Variants in CTNNBIP1 observed in about 807,000 individuals in gnomAD.
CTNNBIP1 encodes the protein catenin beta interacting protein 1.
CTNNBIP1 carries 7 observed loss-of-function variants against 11.8 expected under a neutral mutation model. That is an observed-to-expected ratio of 0.60 (90% CI 0.34 to 1.12). CTNNBIP1 has a LOEUF of 1.12. CTNNBIP1 is among the 50% of genes most tolerant of loss of function. The pLI is 0.03. For synonymous variants in CTNNBIP1, 58 were observed against 43.9 expected (o/e 1.32, Z -1.26); for missense variants, 101 against 113.4 (o/e 0.89, Z 0.50).
At chr1:9,865,615 C>T (rs1388560227) in intron 5 of CTNNBIP1, among the ~76,000 whole-genome samples, 1 of 151,038 alleles carries the variant, frequency 6.6e-6, no homozygotes, top group South Asian at 2.1e-4. Flanking sequence ...AAAAACAAAA[C>T]AAAACAAAAA....
At chr1:9,898,434 G>A (rs1335209941) in intron 1 of CTNNBIP1, among the ~76,000 whole-genome samples, 1 of 152,148 alleles carries the variant, frequency 6.6e-6, no homozygotes, top group Non-Finnish European at 1.5e-5. Flanking sequence ...TGAGGCACAA[G>A]AATCTGTGGA....
rs543938855 is a variant in CTNNBIP1 at position 9,867,935 on chromosome 1, C to T, written c.187+3252G>A. Among the ~76,000 whole-genome samples the T allele has an allele frequency of 6.6e-6, 1 of 152,322 alleles. No homozygotes were observed. Among genetic ancestry groups the T allele is most frequent in the South Asian group, 2.1e-4 (1 of 4,832 alleles). On this transcript the variant is annotated intron_variant, in intron 5 of 5. Transcript: ENST00000377263. The surrounding 1 kb of genome is among the most constrained non-coding windows in gnomAD (Gnocchi z 4.6). ...GGCACAGGCAGATGCAGGGTCCTGC[C>T]CTCACATGGGTAAGCCCAGTATGGG... is the stretch of plus-strand genomic sequence containing the variant.
At chr1:9,900,016 G>T (rs1261496705) in intron 1 of CTNNBIP1, among the ~76,000 whole-genome samples, 9 of 151,758 alleles carry the variant, frequency 5.9e-5, no homozygotes, top group Non-Finnish European at 1.2e-4. Context: ...AGAGGTTGAA[G>T]TGAGGCAAGA....
Position 9,850,743 on chromosome 1 carries a change from G to C in CTNNBIP1, c.221C>G (p.Ser74Trp). The C allele has an allele frequency of 6.2e-7, 1 of 1,613,886 alleles. No individual in the cohort carries two copies. The change falls in exon 6 of 6, where the codon TCG becomes TGG. Residue 74 changes from serine to tryptophan, a missense_variant. By Grantham distance (177) the Ser-to-Trp change is radical. Transcript: ENST00000377263. ...CTACTGCCTCCGGTCTTCCGTCTCC[G>C]ACCTGGAAAACGCCATCACCACGTC... ...AEDVVMAFSR[S>W]ETEDRRQ is the part of the protein sequence containing the mutation.
chr1:9,877,226 C>T (rs529416459), intron 3 of CTNNBIP1, among the ~76,000 whole-genome samples: 14 of 152,314 alleles, frequency 9.2e-5, no homozygotes, highest in South Asian at 2.1e-4. Context: ...GGAGGCTGGA[C>T]GGCTGTGGCT....
chr1:9,885,213 T>C (rs996361342), intron 1 of CTNNBIP1, among the ~76,000 whole-genome samples: 7 of 152,058 alleles, frequency 4.6e-5, no homozygotes, highest in African/African-American at 1.7e-4. Context: ...GTGGGGGCAA[T>C]GGTGACGGCT....
At position 9,851,702 on chromosome 1, in the gene CTNNBIP1, A is replaced by G. The variant is rs958563974; in HGVS notation, c.188-926T>C. Among the ~76,000 whole-genome samples, 1 of 152,134 alleles carries G rather than the reference A, an allele frequency of 6.6e-6. No homozygotes were observed. The highest frequency in any genetic ancestry group is 2.4e-5 in the African/African-American group (1 of 41,416). On this transcript the variant is annotated intron_variant, in intron 5 of 5. Coordinates refer to ENST00000377263, the MANE Select transcript of CTNNBIP1 (RefSeq NM_020248.3). This position sits in a 1 kb window ranked among gnomAD's most constrained non-coding sequence, Gnocchi z 4.8. Reference sequence around the variant, plus strand: ...TCTTTTTCTTAATCCTGAATTTGAGATTCTGGCCCAGGCACTTGTGAAATC... The same window carrying G: ...TCTTTTTCTTAATCCTGAATTTGAGGTTCTGGCCCAGGCACTTGTGAAATC...
At position 9,871,330 on chromosome 1, in the gene CTNNBIP1, G is replaced by A; in HGVS notation, c.97-53C>T. 1 of 1,356,060 alleles carries A rather than the reference G, an allele frequency of 7.4e-7. No individual in the cohort carries two copies. Among genetic ancestry groups the A allele is most frequent in the Non-Finnish European group, 1.0e-6 (1 of 974,054 alleles). The allele number at this position is 1,356,060 out of a possible 1,614,324, so 84.0% of individuals were successfully genotyped here. On this transcript the variant is annotated intron_variant, in intron 4 of 5. Coordinates refer to ENST00000377263, the MANE Select transcript of CTNNBIP1 (RefSeq NM_020248.3). This position sits in a 1 kb window ranked among gnomAD's most constrained non-coding sequence, Gnocchi z 5.2. ...GGCAGCATGCACCTGTTCCCTGAAA[G>A]GCACCTGCACCCCTAGAGGCACCGC...
chr1:9,863,683 A>G (rs935073), intron 5 of CTNNBIP1, among the ~76,000 whole-genome samples: 45,751 of 152,166 alleles, frequency 0.3, 9,347 homozygotes, highest in African/African-American at 0.59. Flanking sequence ...GGCTGCCAAC[A>G]TAAGGTGGTA....
At chr1:9,860,440 A>G (rs866893330) in intron 5 of CTNNBIP1, among the ~76,000 whole-genome samples, 4 of 150,124 alleles carry the variant, frequency 2.7e-5, no homozygotes, top group African/African-American at 9.8e-5. Flanking sequence ...AAAAAAAAAA[A>G]AAAAAAAAAA....
At chr1:9,900,548 A>C (rs959712287) in intron 1 of CTNNBIP1, among the ~76,000 whole-genome samples, 2 of 152,194 alleles carry the variant, frequency 1.3e-5, no homozygotes, top group Non-Finnish European at 2.9e-5. Flanking sequence ...TTAGGAAGTG[A>C]GAGTGGGAAG....
chr1:9,880,993 G>A (rs1359110272), intron 2 of CTNNBIP1, among the ~76,000 whole-genome samples: 2 of 151,808 alleles, frequency 1.3e-5, no homozygotes, highest in Non-Finnish European at 2.9e-5. Flanking sequence ...ATTCAGGAGG[G>A]CCCCATGCTT....
intron 1 of CTNNBIP1, among the ~76,000 whole-genome samples, chr1:9,887,549 A>G (rs1180415341): frequency 1.3e-5 from 2 of 152,074 alleles, no homozygotes; most frequent in South Asian, 2.1e-4. Flanking sequence ...CTAAAATTAC[A>G]AAAATTAGCT....
At chr1:9,860,991 T>C (rs933235727) in intron 5 of CTNNBIP1, among the ~76,000 whole-genome samples, 2 of 152,204 alleles carry the variant, frequency 1.3e-5, no homozygotes, top group Non-Finnish European at 2.9e-5. Context: ...TTCACAACTG[T>C]CCAGGGAATG....
intron 5 of CTNNBIP1, among the ~76,000 whole-genome samples, chr1:9,858,372 C>T (rs962069984): frequency 6.6e-6 from 1 of 152,174 alleles, no homozygotes; most frequent in Non-Finnish European, 1.5e-5. Flanking sequence ...CTCACTGTGG[C>T]CTGCAGGACC....
chr1:9,896,219 AGAAATTATGTATCT>A (rs368249201), intron 1 of CTNNBIP1, among the ~76,000 whole-genome samples: 1 of 152,320 alleles, frequency 6.6e-6, no homozygotes, highest in East Asian at 1.9e-4. Context: ...CACTTTCACA[AGAAATTATGTATCT>A]GATGTATCAG....
At chr1:9,879,383 A>G (rs1485757348) in intron 2 of CTNNBIP1, among the ~76,000 whole-genome samples, 1 of 152,144 alleles carries the variant, frequency 6.6e-6, no homozygotes, top group African/African-American at 2.4e-5. Context: ...TTCTGAAAAG[A>G]AAGTTGCTCG....
intron 5 of CTNNBIP1, among the ~76,000 whole-genome samples, chr1:9,860,935 C>T (rs979243220): frequency 1.3e-5 from 2 of 152,212 alleles, no homozygotes; most frequent in African/African-American, 4.8e-5. Context: ...GGGGAGCTCC[C>T]TTTGTGAGTC....
intron 1 of CTNNBIP1, among the ~76,000 whole-genome samples, chr1:9,909,779 C>G (rs1360707419): frequency 6.6e-6 from 1 of 151,998 alleles, no homozygotes; most frequent in Non-Finnish European, 1.5e-5. Flanking sequence ...GAGGCAGGGG[C>G]CCAGAGGTCG....
Sources: gnomAD v4.1 joint callset for allele counts (sites outside exome capture counted in the v4.1 genomes callset) on GRCh38, gnomAD v4.1.1 for gene constraint, Gnocchi (gnomAD v3.1) non-coding constraint, MANE v1.5 for transcripts, NCBI Gene and HGNC (gene_info 2026-07-23, HGNC 2026-07-21) for gene names.